COMP: variants seen among roughly 807,000 people sequenced by gnomAD.
COMP encodes the protein cartilage oligomeric matrix protein.
COMP carries 79 observed loss-of-function variants against 95.8 expected under a neutral mutation model. The observed-to-expected ratio is 0.82, with a 90% CI of 0.69 to 0.99. The LOEUF (loss-of-function observed/expected upper bound fraction) is 0.99. Among genes scored for constraint, COMP ranks in the 50% least tolerant of loss-of-function variants. COMP has a pLI of 0.00. For synonymous variants in COMP, 438 were observed against 433.9 expected (o/e 1.01, Z -0.12); for missense variants, 906 against 1,076.1 (o/e 0.84, Z 2.21).
rs768146721 is a variant in COMP at position 18,783,037 on chromosome 19, G to A, written c.2227+17C>T. On this transcript the variant is annotated intron_variant, in intron 18 of 18. Transcript: ENST00000222271. ...TGTGCAGACTCCCCGCCCACGGCCC[G>A]CTGGCCCTCGGCTCACCATTGCAGC... 14 of 1,611,936 alleles carry A rather than the reference G, an allele frequency of 8.7e-6. No homozygotes were observed. Among genetic ancestry groups the A allele is most frequent in the Middle Eastern group, 1.7e-4 (1 of 6,054 alleles).
At position 18,784,393 on chromosome 19, in the gene COMP, ACCT is replaced by A; in HGVS notation, c.1915-33_1915-31del. ...CAATACCCAGGAAAGGTGGTCAGAG[ACCT>A]CGTGGGCCACCGGAGCCCCCCTAGA... is the stretch of plus-strand genomic sequence containing the variant. On this transcript the variant is annotated intron_variant, in intron 16 of 18. Transcript: ENST00000222271. The surrounding 1 kb of genome is among the most constrained non-coding windows in gnomAD (Gnocchi z 4.9). 6.2e-7 allele frequency: 1 copy of A among 1,613,204 alleles called. No individual in the cohort carries two copies. The highest frequency in any genetic ancestry group is 1.1e-5 in the South Asian group (1 of 91,032).
chr19:18,785,972 GTCC>G lies in COMP; in HGVS notation c.1479_1481del (p.Glu493del), dbSNP rs770721341. On this transcript the variant is annotated inframe_deletion, in exon 13 of 19. Coordinates refer to ENST00000222271, the MANE Select transcript of COMP (RefSeq NM_000095.3). ...GCCCCGCCCCCGCCGTACTGTCCGC[GTCC>G]TCCTGGCCGGGGTTAGGCACCAGGC... 6 of 1,608,894 alleles carry G rather than the reference GTCC, an allele frequency of 3.7e-6. No individual in the cohort carries two copies. The highest frequency in any genetic ancestry group is 8.5e-7 in the Non-Finnish European group (1 of 1,178,948).
intron 17 of COMP, 94 bp from the exon 18 acceptor site, chr19:18,783,287 A>G (rs1345862738): frequency 6.6e-7 from 1 of 1,511,652 alleles, no homozygotes; most frequent in Non-Finnish European, 8.9e-7. Flanking sequence ...GGTACCCCTG[A>G]CTGGGCTGCA....
At position 18,788,787 on chromosome 19, in the gene COMP, C is replaced by T. The variant is rs553115668; in HGVS notation, c.604-37G>A. 4.4e-6 allele frequency: 7 copies of T among 1,606,814 alleles called. No individual in the cohort carries two copies. In the East Asian group the frequency reaches 1.3e-4, roughly 31 times the overall value. ...CCGCCGGAGGTCAGCGCAGGCCGCC[C>T]GCCGCTCGCCCCACCTCCCGCGATC... On this transcript the variant is annotated intron_variant, in intron 6 of 18. Transcript: ENST00000222271. This position sits in a 1 kb window ranked among gnomAD's most constrained non-coding sequence, Gnocchi z 4.7.
intron 10 of COMP, 105 bp from the exon 11 acceptor site, chr19:18,786,755 C>T: frequency 1.2e-5 from 5 of 400,396 alleles, no homozygotes; most frequent in Admixed American, 8.5e-5. Context: ...GTCCCAACTT[C>T]ATGGAAGCTT....
rs1247536526 is a variant in COMP, at chr19:18,784,470, G to A, written c.1915-107C>T. Reference sequence around the variant, plus strand: ...GAGCAGCAGGTGGTGGGCGGCCAGGGGGATCCGGATGAGAGACCCACAAGG... The same window carrying A: ...GAGCAGCAGGTGGTGGGCGGCCAGGAGGATCCGGATGAGAGACCCACAAGG... On this transcript the variant is annotated intron_variant, in intron 16 of 18. Transcript: ENST00000222271. The surrounding 1 kb of genome is among the most constrained non-coding windows in gnomAD (Gnocchi z 4.9). 1 of 1,355,592 alleles carries A rather than the reference G, an allele frequency of 7.4e-7. No homozygotes were observed. Among genetic ancestry groups the A allele is most frequent in the Non-Finnish European group, 1.0e-6 (1 of 965,106 alleles). 84.0% of individuals were successfully genotyped at this position (1,355,592 alleles called of 1,614,324 possible).
Position 18,782,969 on chromosome 19 carries a change from GA to G in COMP, c.2228-9del. 3 of 1,612,782 alleles carry G rather than the reference GA, an allele frequency of 1.9e-6. No homozygotes were observed. Among genetic ancestry groups the G allele is most frequent in the Non-Finnish European group, 2.5e-6 (3 of 1,179,994 alleles). The stretch of plus-strand genomic sequence containing the variant: ...AGTCCTCTGGGATGGTGTCTGCAGG[GA>G]GAGGGCAGGCGGGTGAGGGCTGAGA... On this transcript the variant is annotated splice_polypyrimidine_tract_variant and intron_variant, in intron 18 of 18. Transcript: ENST00000222271.
rs755087551 is a variant in COMP at position 18,783,022 on chromosome 19, C to T, written c.2227+32G>A. 1.4e-5 allele frequency: 23 copies of T among 1,611,690 alleles called. No individual in the cohort carries two copies. The South Asian group carries it at 2.0e-4, about 14-fold the overall frequency. ...GGCCAGCAGGGCCTGTGTGCAGACT[C>T]CCCGCCCACGGCCCGCTGGCCCTCG... is the stretch of plus-strand genomic sequence containing the variant. On this transcript the variant is annotated intron_variant, in intron 18 of 18. Transcript: ENST00000222271.
Position 18,788,661 on chromosome 19 carries a change from G to A in COMP, c.693C>T (p.Asp231=), listed in dbSNP as rs374210489. 1.3e-6 allele frequency: 2 copies of A among 1,545,350 alleles called. No individual in the cohort carries two copies. The highest frequency in any genetic ancestry group is 2.4e-5 in the South Asian group (2 of 83,982). ...CQRRAQRFCP[D]GSPSECHEHA... ...GCTCGTGGCACTCGCTGGGCGAGCC[G>A]TCGGGGCAGAAGCGCTGTGCGCGCC... The change falls in exon 7 of 19, where the codon GAC becomes GAT. Residue 231 remains aspartate, a synonymous_variant. Transcript: ENST00000222271. The surrounding 1 kb of genome is among the most constrained non-coding windows in gnomAD (Gnocchi z 4.7).
rs1418460224 is a variant in COMP at position 18,784,404 on chromosome 19, C to T, written c.1915-41G>A. The T allele has an allele frequency of 3.7e-6, 6 of 1,611,610 alleles. No individual in the cohort carries two copies. Among genetic ancestry groups the T allele is most frequent in the Admixed American group, 3.3e-5 (2 of 59,980 alleles). ...AAAGGTGGTCAGAGACCTCGTGGGC[C>T]ACCGGAGCCCCCCTAGACACCTTCC... On this transcript the variant is annotated intron_variant, in intron 16 of 18. Transcript: ENST00000222271. The surrounding 1 kb of genome is among the most constrained non-coding windows in gnomAD (Gnocchi z 4.9).
Position 18,787,899 on chromosome 19 carries a change from TTTCTTTCTTTCTTTC to T in COMP, c.976-264_976-250del, listed in dbSNP as rs2055180996. On this transcript the variant is annotated intron_variant, in intron 9 of 18. Transcript: ENST00000222271. ...CTTTCTTTCTTTCTTTCTTTCTTTC[TTTCTTTCTTTCTTTC>T]TTTTTTTTGAGACAGAGTCTTGCTC... Among the ~76,000 whole-genome samples, 9 of 150,626 alleles carry T rather than the reference TTTCTTTCTTTCTTTC, an allele frequency of 6.0e-5. No homozygotes were observed. The South Asian group carries it at 6.3e-4, about 11-fold the overall frequency.
Position 18,791,183 on chromosome 19 carries a change from C to T in COMP, c.79+8G>A, listed in dbSNP as rs747823146. 16 of 1,577,282 alleles carry T rather than the reference C, an allele frequency of 1.0e-5. No individual in the cohort carries two copies. Among genetic ancestry groups the T allele is most frequent in the Non-Finnish European group, 1.1e-5 (13 of 1,163,036 alleles). On this transcript the variant is annotated splice_region_variant and intron_variant, in intron 1 of 18. Transcript: ENST00000222271. Reference sequence around the variant, plus strand: ...CGTGGGCACGGCGCGGGTGCTAACGCGGCTTACCCAACGGGCTCTGGCCCT... The same window carrying T: ...CGTGGGCACGGCGCGGGTGCTAACGTGGCTTACCCAACGGGCTCTGGCCCT...
At chr19:18,783,680 A>G (rs4808155) in intron 17 of COMP, among the ~76,000 whole-genome samples, 28,393 of 147,900 alleles carry the variant, frequency 0.19, 2,938 homozygotes, top group African/African-American at 0.28. Context: ...CACGATCTCC[A>G]CTCACTGCAA....
chr19:18,782,987 G>T, intron 18 of COMP, 26 bp from the exon 19 acceptor site: 1 of 1,612,364 alleles, frequency 6.2e-7, no homozygotes. Context: ...AGGCGGGTGA[G>T]GGCTGAGAAG....
intron 11 of COMP, 33 bp downstream of exon 11, chr19:18,786,499 G>A: frequency 6.3e-7 from 1 of 1,592,324 alleles, no homozygotes; most frequent in African/African-American, 1.3e-5. Context: ...TCACCCAGAG[G>A]GCTTACCCAG....
Position 18,789,952 on chromosome 19 carries a change from T to A in COMP, c.380A>T (p.Asp127Val), listed in dbSNP as rs1209079062. 12 of 1,591,970 alleles carry A rather than the reference T, an allele frequency of 7.5e-6. No individual in the cohort carries two copies. The highest frequency in any genetic ancestry group is 1.0e-5 in the Non-Finnish European group (12 of 1,177,484). ...TCGGGGCTAGCGCACCTCGTTGACG[T>A]CGGTGCAGTGCGAGCCGTTGCCCGT... ...GFTGNGSHCT[D>V]VNECNAHPCF... The change falls in exon 4 of 19, where the codon GAC (aspartate) becomes GTC (valine). Residue 127 changes from aspartate to valine, a missense_variant. By Grantham distance (152) the Asp-to-Val change is radical. Coordinates refer to ENST00000222271, the MANE Select transcript of COMP (RefSeq NM_000095.3). This position sits in a 1 kb window ranked among gnomAD's most constrained non-coding sequence, Gnocchi z 6.1.
intron 3 of COMP, 98 bp from the exon 4 acceptor site, chr19:18,790,212 T>TCC: frequency 1.2e-6 from 1 of 855,218 alleles, no homozygotes; most frequent in Non-Finnish European, 1.7e-6. Context: ...GGCTTCCCCT[T>TCC]CCCCCCCACC....
At chr19:18,787,865 TC>T (rs57090502) in intron 9 of COMP, among the ~76,000 whole-genome samples, 4,584 of 25,900 alleles carry the variant, frequency 0.18, 168 homozygotes, top group Middle Eastern at 0.22. Context: ...TTTCTTTTTC[TC>T]TTTCTTTCTT....
Position 18,788,458 on chromosome 19 carries a change from G to GTC in COMP, c.817_818dup (p.Asp273GlufsTer22). On this transcript the variant is annotated frameshift_variant, in exon 8 of 19. Coordinates refer to ENST00000222271, the MANE Select transcript of COMP (RefSeq NM_000095.3). LOFTEE classifies it high-confidence loss of function. This position sits in a 1 kb window ranked among gnomAD's most constrained non-coding sequence, Gnocchi z 4.7. The stretch of plus-strand genomic sequence containing the variant: ...AGCGCAGCTTCTCGTCCGGGAAGCC[G>GTC]TCTAGGTCAGTGTCGCGACCACAGA... The GTC allele has an allele frequency of 7.0e-7, 1 of 1,436,298 alleles. No homozygotes were observed. Among genetic ancestry groups the GTC allele is most frequent in the South Asian group, 1.1e-5 (1 of 88,612 alleles). The allele number at this position is 1,436,298 out of a possible 1,614,324, so 89.0% of individuals were successfully genotyped here.
Sources: allele counts gnomAD v4.1 joint callset (sites outside exome capture counted in the v4.1 genomes callset), GRCh38; gene constraint gnomAD v4.1.1; non-coding constraint Gnocchi (gnomAD v3.1); transcripts MANE v1.5; gene names NCBI Gene and HGNC (gene_info 2026-07-23, HGNC 2026-07-21).